FAAH2: variants seen among roughly 807,000 people sequenced by gnomAD.
The protein encoded by FAAH2 is fatty-acid amide hydrolase 2.
FAAH2 carries 60 observed loss-of-function variants against 36.9 expected under a neutral mutation model. That is an observed-to-expected ratio of 1.63 (90% confidence interval 1.32 to 2.02). The LOEUF (loss-of-function observed/expected upper bound fraction) is 2.02. Ranked by LOEUF, FAAH2 falls within the 30% of genes most tolerant of loss-of-function variation. FAAH2 has a pLI of 0.00. For missense variants in FAAH2, 689 were observed against 397.5 expected (o/e 1.73, Z -6.23); for synonymous variants, 214 against 143.8 (o/e 1.49, Z -3.49).
the FAAH2 span, among the ~76,000 whole-genome samples, chrX:57,206,426 C>A: frequency 9.0e-6 from 1 of 111,361 alleles, no homozygotes; most frequent in African/African-American, 3.3e-5. Flanking sequence ...TGTGAGAAAT[C>A]GAATTTTGCA....
At chrX:57,145,958 T>C in the FAAH2 span, among the ~76,000 whole-genome samples, 2 of 111,459 alleles carry the variant, frequency 1.8e-5, no homozygotes, top group African/African-American at 6.5e-5. Flanking sequence ...TTGGTGACTA[T>C]GGCCTTATAG....
chrX:57,212,074 G>A, the FAAH2 span, among the ~76,000 whole-genome samples: 1 of 111,416 alleles, frequency 9.0e-6, no homozygotes, highest in African/African-American at 3.3e-5. Context: ...TGTCTCTACA[G>A]TTTTTTAATT....
At chrX:57,371,895 C>T (rs1286098187) in intron 5 of FAAH2, among the ~76,000 whole-genome samples, 1 of 111,509 alleles carries the variant, frequency 9.0e-6, no homozygotes, top group African/African-American at 3.3e-5. Context: ...TAAGAAGATG[C>T]GGTCTTTGGT....
intron 5 of FAAH2, among the ~76,000 whole-genome samples, chrX:57,355,233 T>C (rs1014283344): frequency 3.6e-5 from 4 of 111,285 alleles, no homozygotes; most frequent in Non-Finnish European, 5.7e-5. Flanking sequence ...AAATTGTTTG[T>C]TTCTAAAATT....
At chrX:57,365,235 C>T (rs2054385025) in intron 5 of FAAH2, among the ~76,000 whole-genome samples, 1 of 111,830 alleles carries the variant, frequency 8.9e-6, no homozygotes, top group African/African-American at 3.3e-5. Context: ...CTTAAGGACC[C>T]CTTGAAAGGC....
At chrX:57,374,941 G>A (rs930674006) in intron 5 of FAAH2, among the ~76,000 whole-genome samples, 3 of 111,586 alleles carry the variant, frequency 2.7e-5, no homozygotes, top group Admixed American at 1.9e-4. Flanking sequence ...TTTGTCAGAT[G>A]CTTTTCTGCG....
chrX:57,186,744 G>A, the FAAH2 span, among the ~76,000 whole-genome samples: 1 of 111,959 alleles, frequency 8.9e-6, no homozygotes, highest in Non-Finnish European at 1.9e-5. Flanking sequence ...TTTGTATAAG[G>A]TGTAAGAAAG....
At chrX:57,421,855 C>G (rs1361389429) in intron 7 of FAAH2, among the ~76,000 whole-genome samples, 1 of 111,382 alleles carries the variant, frequency 9.0e-6, no homozygotes, top group Admixed American at 9.5e-5. Flanking sequence ...AATGTTTTCC[C>G]AATAAGTCTA....
the FAAH2 span, among the ~76,000 whole-genome samples, chrX:57,183,667 A>G: frequency 6.3e-5 from 7 of 111,674 alleles, no homozygotes; most frequent in East Asian, 2.0e-3. Flanking sequence ...GATGTACATC[A>G]CCTCAGGATC....
upstream of FAAH2, among the ~76,000 whole-genome samples, chrX:57,282,203 C>T (rs1324341064): frequency 4.5e-5 from 5 of 111,966 alleles, no homozygotes; most frequent in Non-Finnish European, 9.4e-5. Flanking sequence ...ATAAGCTTTC[C>T]CTTTTCTGTA....
At chrX:57,302,945 C>T (rs773566350) in intron 2 of FAAH2, among the ~76,000 whole-genome samples, 1 of 111,068 alleles carries the variant, frequency 9.0e-6, no homozygotes, top group Admixed American at 9.6e-5. Context: ...TCTAGTGCTG[C>T]CCTGTGCCAC....
chrX:57,250,694 G>A, the FAAH2 span, among the ~76,000 whole-genome samples: 1 of 108,947 alleles, frequency 9.2e-6, no homozygotes, highest in East Asian at 2.8e-4. Context: ...TGATACTACA[G>A]AATTACAAAA....
Position 57,378,786 on chromosome X carries a change from G to C in FAAH2, c.878G>C (p.Arg293Thr). 8.3e-7 allele frequency: 1 copy of C among 1,203,436 alleles called. No individual in the cohort carries two copies. The highest frequency in any genetic ancestry group is 1.1e-6 in the Non-Finnish European group (1 of 891,024). ...LKVMAGPGIKRLKLDTKVHLK... is the reference protein window; with the variant it reads ...LKVMAGPGIKTLKLDTKVHLK... ...GTCATGGCAGGACCTGGGATCAAAA[G>C]GTATGTTCATTTATTTTTATTTCCT... Residue 293 changes from arginine (R) to threonine (T), a missense_variant and splice_region_variant, in exon 6 of 11, where the codon AGG (arginine) becomes ACG (threonine). By Grantham distance (71) the Arg-to-Thr change is moderately conservative (BLOSUM62 -1). Coordinates refer to ENST00000374900, the MANE Select transcript of FAAH2 (RefSeq NM_174912.4).
At chrX:57,162,586 C>G in the FAAH2 span, among the ~76,000 whole-genome samples, 1 of 111,381 alleles carries the variant, frequency 9.0e-6, no homozygotes, top group African/African-American at 3.3e-5. Flanking sequence ...CTCTAAACTT[C>G]CCTTCTCACT....
chrX:57,418,398 G>A (rs189756841), intron 7 of FAAH2, among the ~76,000 whole-genome samples: 32 of 111,664 alleles, frequency 2.9e-4, no homozygotes, highest in African/African-American at 9.1e-4. Flanking sequence ...GGGTTTTGAA[G>A]ACTGTGGGAA....
At chrX:57,328,829 G>T (rs754855471) in intron 3 of FAAH2, among the ~76,000 whole-genome samples, 3 of 111,659 alleles carry the variant, frequency 2.7e-5, no homozygotes, top group Non-Finnish European at 5.6e-5. Flanking sequence ...AAGTGGCCAA[G>T]ACTCAGCTCA....
At chrX:57,394,961 A>C (rs2055257803) in intron 7 of FAAH2, 2 of 590,711 alleles carry the variant, frequency 3.4e-6, no homozygotes. Flanking sequence ...CATGAGTTCC[A>C]AGCATCCTTT....
the FAAH2 span, among the ~76,000 whole-genome samples, chrX:57,185,355 G>C: frequency 2.7e-5 from 3 of 110,717 alleles, no homozygotes; most frequent in Non-Finnish European, 5.7e-5. Flanking sequence ...TTCTGTGCCT[G>C]GTTTACTTCA....
the FAAH2 span, among the ~76,000 whole-genome samples, chrX:57,151,259 G>T: frequency 4.5e-5 from 5 of 111,308 alleles, no homozygotes; most frequent in Non-Finnish European, 7.5e-5. Context: ...TCTTCTCAAG[G>T]AGTATCTTTG....
Sources: allele counts gnomAD v4.1 joint callset (sites outside exome capture counted in the v4.1 genomes callset), GRCh38; gene constraint gnomAD v4.1.1; transcripts MANE v1.5; gene names NCBI Gene and HGNC (gene_info 2026-07-23, HGNC 2026-07-21).